The following LUZP2 variants were observed in gnomAD, a reference collection of about 807,000 sequenced individuals.
LUZP2 encodes leucine zipper protein 2.
In LUZP2, 52 loss-of-function variants were observed where a neutral mutation model predicts 51.6. The observed-to-expected ratio is 1.01, with a 90% CI of 0.81 to 1.27. The LOEUF (loss-of-function observed/expected upper bound fraction) is 1.27. LUZP2 is among the 50% of genes most tolerant of loss of function. The pLI, the probability that LUZP2 is intolerant of heterozygous loss-of-function variation, is 0.00. For synonymous variants in LUZP2, 154 were observed against 137.3 expected, an observed-to-expected ratio of 1.12 and a Z score of -0.85; for missense variants, 436 against 395.4, an observed-to-expected ratio of 1.10 and a Z score of -0.87.
At chr11:24,706,047 G>GA (rs1293365060) in intron 1 of LUZP2, among the ~76,000 whole-genome samples, 1 of 152,046 alleles carries the variant, frequency 6.6e-6, no homozygotes, top group Non-Finnish European at 1.5e-5. Flanking sequence ...TGAGGGCAAT[G>GA]AAAAAATTTT....
chr11:24,711,487 A>AAATAAAT (rs1554977638), intron 1 of LUZP2, among the ~76,000 whole-genome samples: 2 of 140,170 alleles, frequency 1.4e-5, no homozygotes, highest in Non-Finnish European at 3.2e-5. Flanking sequence ...ATAAATAAAT[A>AAATAAAT]AATAAAGATT....
intron 10 of LUZP2, among the ~76,000 whole-genome samples, chr11:25,064,696 T>G (rs1010107775): frequency 2.0e-5 from 3 of 151,976 alleles, no homozygotes; most frequent in African/African-American, 7.2e-5. Flanking sequence ...ACATTTCCAG[T>G]TCATTTGATT....
chr11:24,624,823 A>G (rs952186617), intron 1 of LUZP2, among the ~76,000 whole-genome samples: 3 of 152,208 alleles, frequency 2.0e-5, no homozygotes, highest in African/African-American at 4.8e-5. Context: ...CAAAAAGGGT[A>G]GTATTATTAT....
At chr11:24,964,443 G>A (rs1038075952) in intron 7 of LUZP2, among the ~76,000 whole-genome samples, 3 of 152,104 alleles carry the variant, frequency 2.0e-5, no homozygotes, top group African/African-American at 7.2e-5. Flanking sequence ...CCCAACATTA[G>A]TTAAGGTAGT....
At chr11:24,833,622 G>C (rs1176841702) in intron 5 of LUZP2, among the ~76,000 whole-genome samples, 1 of 151,992 alleles carries the variant, frequency 6.6e-6, no homozygotes, top group African/African-American at 2.4e-5. Context: ...GCTCCACTCA[G>C]ATTAATCGAA....
At chr11:24,594,750 CTTTTTTT>C (rs61196514) in intron 1 of LUZP2, among the ~76,000 whole-genome samples, 1 of 78,554 alleles carries the variant, frequency 1.3e-5, no homozygotes, top group South Asian at 4.8e-4. Context: ...GTTTGGGACA[CTTTTTTT>C]TTTTTTTTTT....
At chr11:24,808,153 T>A (rs1047092302) in intron 5 of LUZP2, among the ~76,000 whole-genome samples, 2 of 152,198 alleles carry the variant, frequency 1.3e-5, no homozygotes, top group African/African-American at 2.4e-5. Flanking sequence ...CTTCCAATTT[T>A]AAATTGCGGA....
intron 1 of LUZP2, among the ~76,000 whole-genome samples, chr11:24,604,958 T>C (rs1192573067): frequency 1.3e-5 from 2 of 151,802 alleles, no homozygotes; most frequent in Admixed American, 6.6e-5. Context: ...GTGGCTTGTT[T>C]ATAGAAATTC....
At chr11:24,520,338 G>C (rs373877289) in intron 1 of LUZP2, among the ~76,000 whole-genome samples, 1 of 152,254 alleles carries the variant, frequency 6.6e-6, no homozygotes, top group South Asian at 2.1e-4. Flanking sequence ...AACAGGGAAG[G>C]ATTTAAAAAA....
intron 1 of LUZP2, among the ~76,000 whole-genome samples, chr11:24,511,390 AT>A (rs1249871934): frequency 2.8e-4 from 42 of 151,422 alleles, no homozygotes; most frequent in African/African-American, 1.0e-3. Flanking sequence ...TGTCGCTACA[AT>A]TTTTTTAATT....
At chr11:24,857,675 G>A (rs966621883) in intron 5 of LUZP2, among the ~76,000 whole-genome samples, 1 of 146,304 alleles carries the variant, frequency 6.8e-6, no homozygotes, top group Admixed American at 7.1e-5. Flanking sequence ...GTGATCCATG[G>A]TTATTTACCA....
intron 7 of LUZP2, among the ~76,000 whole-genome samples, chr11:24,958,626 T>G (rs925162034): frequency 6.6e-6 from 1 of 152,230 alleles, no homozygotes; most frequent in South Asian, 2.1e-4. Context: ...TAAATTTGTT[T>G]GAGTTCATTG....
chr11:25,005,276 G>C (rs576788385), intron 9 of LUZP2, among the ~76,000 whole-genome samples: 8 of 152,256 alleles, frequency 5.3e-5, no homozygotes, highest in Admixed American at 2.0e-4. Context: ...GGGGTGAGCT[G>C]AAAGGTCCTC....
At chr11:24,941,797 A>G (rs1015587548) in intron 7 of LUZP2, among the ~76,000 whole-genome samples, 2 of 152,156 alleles carry the variant, frequency 1.3e-5, no homozygotes, top group African/African-American at 4.8e-5. Context: ...AATAAAATCC[A>G]TCATTTCAGT....
rs998303757 is a variant in LUZP2, at chr11:24,598,125, C to T, written c.62+100820C>T. Among the ~76,000 whole-genome samples, 53 of 150,280 alleles carry T rather than the reference C, an allele frequency of 3.5e-4. 1 individual carries two copies. The highest frequency in any genetic ancestry group is 2.5e-4 in the Non-Finnish European group (17 of 67,638). On this transcript the variant is annotated intron_variant, in intron 1 of 11. Transcript: ENST00000336930. ...CAAAAAAAAAAAAAAAAGAGAGAGA[C>T]ATTTATTAAGCACCTGCTTTGTGCC...
intron 5 of LUZP2, among the ~76,000 whole-genome samples, chr11:24,867,940 A>G (rs1851946737): frequency 6.6e-6 from 1 of 152,164 alleles, no homozygotes; most frequent in Admixed American, 6.6e-5. Context: ...AAAACCTTGG[A>G]TGATTTTTTA....
chr11:24,843,599 C>G (rs754837894), intron 5 of LUZP2, among the ~76,000 whole-genome samples: 5 of 152,072 alleles, frequency 3.3e-5, no homozygotes, highest in Non-Finnish European at 7.4e-5. Flanking sequence ...AATCTCAAAA[C>G]AAGATGAAGA....
chr11:24,698,005 T>A (rs1857300734), intron 1 of LUZP2, among the ~76,000 whole-genome samples: 1 of 152,022 alleles, frequency 6.6e-6, no homozygotes, highest in African/African-American at 2.4e-5. Context: ...CTCCAACCAA[T>A]CAGGAACACT....
At chr11:24,786,226 A>C (rs1849241607) in intron 5 of LUZP2, 1 of 965,482 alleles carries the variant, frequency 1.0e-6, no homozygotes, top group Admixed American at 6.2e-5. Flanking sequence ...AGGTTAACTT[A>C]ATTTCCCATC....
Sources: gnomAD v4.1 joint callset for allele counts (sites outside exome capture counted in the v4.1 genomes callset) on GRCh38, gnomAD v4.1.1 for gene constraint, MANE v1.5 for transcripts, NCBI Gene and HGNC (gene_info 2026-07-23, HGNC 2026-07-21) for gene names.